The following ZNF705G variants were observed in gnomAD, a reference collection of about 807,000 sequenced individuals.
The protein encoded by ZNF705G is zinc finger protein 705G.
In ZNF705G, 23 loss-of-function variants were observed where a neutral mutation model predicts 19.6. The observed-to-expected ratio is 1.17, with a 90% CI of 0.84 to 1.66. ZNF705G has a LOEUF of 1.66. Ranked by LOEUF, ZNF705G falls within the 40% of genes most tolerant of loss-of-function variation. ZNF705G has a pLI of 0.00. For synonymous variants in ZNF705G, 146 were observed against 117.7 expected, an observed-to-expected ratio of 1.24 and a Z score of -1.56; for missense variants, 457 against 354.4, an observed-to-expected ratio of 1.29 and a Z score of -2.32.
intron 3 of ZNF705G, among the ~76,000 whole-genome samples, chr8:7,362,396 C>T (rs1285712033): frequency 6.7e-6 from 1 of 149,584 alleles, no homozygotes; most frequent in East Asian, 1.9e-4. Context: ...TCCCTCAACA[C>T]TGCACAGCTC....
rs558218690 is a variant in ZNF705G at position 7,370,094 on chromosome 8, T to G, written c.-71-7077A>C. On this transcript the variant is annotated intron_variant, in intron 2 of 6. Coordinates refer to ENST00000400156, the MANE Select transcript of ZNF705G (RefSeq NM_001164457.3). ...CTGGCTAACACCGTGAAACCCTGTC[T>G]CCACTGGAAAAAAAAAAATACAAAA... Among the ~76,000 whole-genome samples, 92 of 147,154 alleles carry G rather than the reference T, an allele frequency of 6.3e-4. 7 individuals are homozygous for G. Among genetic ancestry groups the G allele is most frequent in the African/African-American group, 2.4e-3 (91 of 37,398 alleles).
chr8:7,359,037 G>A lies in ZNF705G; in HGVS notation c.319-477C>T, dbSNP rs564499769. Among the ~76,000 whole-genome samples the A allele has an allele frequency of 6.6e-4, 98 of 149,614 alleles. 10 individuals carry two copies. Among genetic ancestry groups the A allele is most frequent in the African/African-American group, 2.3e-3 (91 of 39,076 alleles). On this transcript the variant is annotated intron_variant, in intron 6 of 6. Transcript: ENST00000400156. ...TTATTCCTCTGCCTCATTTGTTTATGTCATCTTATGTAAAAAAATCCAGAT... is the reference window on the plus strand; with the variant it reads ...TTATTCCTCTGCCTCATTTGTTTATATCATCTTATGTAAAAAAATCCAGAT...
intron 2 of ZNF705G, among the ~76,000 whole-genome samples, chr8:7,363,288 G>C (rs1806691059): frequency 6.8e-6 from 1 of 148,106 alleles, no homozygotes; most frequent in African/African-American, 2.7e-5. Context: ...CACAAGTCCA[G>C]ATATTCAATT....
chr8:7,383,125 A>ATTTTTTTTT (rs5889203), intron 1 of ZNF705G, among the ~76,000 whole-genome samples: 53 of 125,784 alleles, frequency 4.2e-4, no homozygotes, highest in Non-Finnish European at 4.6e-4. Context: ...TCAATGTTTG[A>ATTTTTTTTT]TTTTTTTTTT....
chr8:7,367,902 G>T (rs1377054372), intron 2 of ZNF705G, among the ~76,000 whole-genome samples: 2 of 149,614 alleles, frequency 1.3e-5, no homozygotes, highest in Non-Finnish European at 2.9e-5. Context: ...TCATTGTAAG[G>T]GAATGAGGCC....
chr8:7,359,198 A>C (rs1241956484), intron 6 of ZNF705G, among the ~76,000 whole-genome samples: 1 of 149,398 alleles, frequency 6.7e-6, no homozygotes, highest in Non-Finnish European at 1.5e-5. Flanking sequence ...AAAGGCATAC[A>C]CCTGTCCCCT....
At chr8:7,361,056 G>A (rs1806563757) in intron 4 of ZNF705G, 54 bp downstream of exon 4, 2 of 1,592,072 alleles carry the variant, frequency 1.3e-6, no homozygotes, top group Non-Finnish European at 1.7e-6. Flanking sequence ...AACACTTATT[G>A]AATGAATGAG....
chr8:7,360,440 C>G (rs1438267479), intron 4 of ZNF705G, 108 bp from the exon 5 acceptor site: 1 of 1,537,514 alleles, frequency 6.5e-7, no homozygotes, highest in East Asian at 2.3e-5. Context: ...TGAAGGTCAG[C>G]TCAGGCCACA....
intron 2 of ZNF705G, among the ~76,000 whole-genome samples, chr8:7,369,958 C>A (rs1191805636): frequency 6.7e-6 from 1 of 149,200 alleles, no homozygotes; most frequent in Non-Finnish European, 1.5e-5. Flanking sequence ...ATCTGGGTTA[C>A]AAGATCATTC....
chr8:7,379,833 C>T (rs1807409002), intron 2 of ZNF705G, among the ~76,000 whole-genome samples: 1 of 146,982 alleles, frequency 6.8e-6, no homozygotes, highest in South Asian at 2.1e-4. Flanking sequence ...ATCGTCTGCA[C>T]CTGCCCCCAG....
intron 2 of ZNF705G, among the ~76,000 whole-genome samples, chr8:7,369,284 T>C (rs529814650): frequency 3.3e-5 from 5 of 149,542 alleles, no homozygotes; most frequent in South Asian, 4.2e-4. Flanking sequence ...TTTCTAAAGA[T>C]GTATGGGAAA....
chr8:7,356,880 T>C lies in ZNF705G; in HGVS notation c.*1096A>G, dbSNP rs372189764. 2.0e-5 allele frequency: 3 copies of C among 150,184 alleles called. No homozygotes were observed. The highest frequency in any genetic ancestry group is 2.1e-4 in the South Asian group (1 of 4,788). The allele number at this position is 150,184 out of a possible 1,614,324, so 9.3% of individuals were successfully genotyped here. ...TTTAATGAGATTTCTTATATAATTCTGCACGCAATTTATTCCCTGGTCACT... is the reference window on the plus strand; with the variant it reads ...TTTAATGAGATTTCTTATATAATTCCGCACGCAATTTATTCCCTGGTCACT... On this transcript the variant is annotated 3_prime_UTR_variant, in exon 7 of 7. Coordinates refer to ENST00000400156, the MANE Select transcript of ZNF705G (RefSeq NM_001164457.3).
Position 7,379,888 on chromosome 8 carries a change from C to G in ZNF705G, c.-72+1564G>C, listed in dbSNP as rs968135832. Reference sequence around the variant, plus strand: ...AATGCCAATTTGAGAGCCCAGCCCCCAAAAGACTACATCCTGCCCTGGGGC... The same window carrying G: ...AATGCCAATTTGAGAGCCCAGCCCCGAAAAGACTACATCCTGCCCTGGGGC... On this transcript the variant is annotated intron_variant, in intron 2 of 6. Transcript: ENST00000400156. 1.7e-4 allele frequency among the ~76,000 whole-genome samples: 25 copies of G among 145,574 alleles called. 2 individuals are homozygous for G. Among genetic ancestry groups the G allele is most frequent in the African/African-American group, 6.8e-4 (24 of 35,352 alleles).
chr8:7,367,903 G>T (rs1174496438), intron 2 of ZNF705G, among the ~76,000 whole-genome samples: 1 of 149,622 alleles, frequency 6.7e-6, no homozygotes, highest in Non-Finnish European at 1.5e-5. Flanking sequence ...CATTGTAAGG[G>T]AATGAGGCCA....
Position 7,358,315 on chromosome 8 carries a change from T to C in ZNF705G, c.564A>G (p.Arg188=), listed in dbSNP as rs776936003. 4 of 1,607,818 alleles carry C rather than the reference T, an allele frequency of 2.5e-6. No individual in the cohort carries two copies. The highest frequency in any genetic ancestry group is 4.5e-5 in the East Asian group (2 of 44,862). ...EKAYTNCFHL[R]RHKMTHTGER... is the part of the protein sequence containing the mutation. ...CTCCAGTGTGAGTCATCTTGTGCCG[T>C]CTAAGGTGAAAGCAATTAGTATAGG... is the stretch of plus-strand genomic sequence containing the variant. Residue 188 remains arginine, a synonymous_variant, in exon 7 of 7, where the codon AGA becomes AGG. Transcript: ENST00000400156.
At position 7,355,916 on chromosome 8, in the gene ZNF705G, T is replaced by A. The variant is rs1169415925; in HGVS notation, c.*2060A>T. Reference sequence around the variant, plus strand: ...CTTGACATAAACCCTGGCTGCAGAGTAAAATCAATCACTTGTAGAGATTTT... The same window carrying A: ...CTTGACATAAACCCTGGCTGCAGAGAAAAATCAATCACTTGTAGAGATTTT... On this transcript the variant is annotated 3_prime_UTR_variant, in exon 7 of 7. Transcript: ENST00000400156. The A allele has an allele frequency of 6.7e-6, 1 of 149,644 alleles. No individual in the cohort carries two copies. The highest frequency in any genetic ancestry group is 2.6e-5 in the African/African-American group (1 of 39,002). 9.3% of individuals were successfully genotyped at this position (149,644 alleles called of 1,614,324 possible). A position where few individuals can be genotyped will look rare whatever the true frequency, so the allele number is the denominator to read the frequency against.
rs1806347382 is a variant in ZNF705G, at chr8:7,357,881, A to G, written c.*95T>C. ...GTTTATAATTTTCTCTCCAGGGTGA[A>G]TTTTCTGATGCTCTTTAAGATTAGT... On this transcript the variant is annotated 3_prime_UTR_variant, in exon 7 of 7. Transcript: ENST00000400156. The G allele has an allele frequency of 9.6e-6, 15 of 1,560,600 alleles. 1 individual carries two copies. The East Asian group carries it at 2.9e-4, about 30-fold the overall frequency.
intron 5 of ZNF705G, 101 bp from the exon 6 acceptor site, chr8:7,359,802 G>C (rs181743142): frequency 6.5e-7 from 1 of 1,543,068 alleles, no homozygotes; most frequent in Non-Finnish European, 8.9e-7. Flanking sequence ...TTGACACGTA[G>C]ATGTGGCAAG....
intron 2 of ZNF705G, among the ~76,000 whole-genome samples, chr8:7,365,638 G>C (rs1806822482): frequency 6.7e-6 from 1 of 149,322 alleles, no homozygotes; most frequent in Admixed American, 6.6e-5. Context: ...TCAAAGTATT[G>C]GGATTACAGG....
Sources: allele counts gnomAD v4.1 joint callset (sites outside exome capture counted in the v4.1 genomes callset), GRCh38; gene constraint gnomAD v4.1.1; transcripts MANE v1.5; gene names NCBI Gene and HGNC (gene_info 2026-07-23, HGNC 2026-07-21).